The following CSMD1 variants were observed in gnomAD, a reference collection of about 807,000 sequenced individuals.
CSMD1 encodes the protein CUB and sushi domain-containing protein 1.
CSMD1 carries 213 observed loss-of-function variants against 417.5 expected under a neutral mutation model. That is an observed-to-expected ratio of 0.51 (90% confidence interval 0.46 to 0.57). The LOEUF (loss-of-function observed/expected upper bound fraction) is 0.57. Ranked by LOEUF, CSMD1 falls within the 20% of genes least tolerant of loss-of-function variation. CSMD1 has a pLI of 0.00. For missense variants in CSMD1, 6,923 were observed against 4,529.7 expected (o/e 1.53, Z -15.17); for synonymous variants, 2,862 against 1,736.8 (o/e 1.65, Z -16.11).
intron 3 of CSMD1, among the ~76,000 whole-genome samples, chr8:4,165,779 T>A (rs1489330662): frequency 6.6e-6 from 1 of 152,210 alleles, no homozygotes; most frequent in Non-Finnish European, 1.5e-5. Context: ...AGGTGTTAGC[T>A]CACGTGTTGT....
chr8:4,748,955 C>G lies in CSMD1; in HGVS notation c.86-111397G>C, dbSNP rs527745258. ...GTAATTCTGCTTCCTTAACTCACTA[C>G]AATTCTTCTAATAAGTTCTAAGCTA... is the stretch of plus-strand genomic sequence containing the variant. On this transcript the variant is annotated intron_variant, in intron 1 of 69. Coordinates refer to ENST00000635120, the MANE Select transcript of CSMD1 (RefSeq NM_033225.6). 5.9e-5 allele frequency among the ~76,000 whole-genome samples: 9 copies of G among 152,354 alleles called. No individual in the cohort carries two copies. The South Asian group carries it at 1.7e-3, about 28-fold the overall frequency.
rs1470114191 is a variant in CSMD1, at chr8:4,420,016, G to C, written c.352C>G (p.Leu118Val). 1.9e-6 allele frequency: 3 copies of C among 1,586,464 alleles called. No homozygotes were observed. Among genetic ancestry groups the C allele is most frequent in the Admixed American group, 1.8e-5 (1 of 56,450 alleles). The change falls in exon 3 of 70, where the codon CTC becomes GTC. Residue 118 changes from leucine to valine, a missense_variant. Physicochemically the swap from Leu to Val is conservative, Grantham distance 32. Coordinates refer to ENST00000635120, the MANE Select transcript of CSMD1 (RefSeq NM_033225.6). ...PSSIVSTGSI[L>V]TLWFTTDFAV... is the part of the protein sequence containing the mutation. ...AAGTCTGTCGTGAACCACAGAGTGAGGATAGATCCTGTACTCACTATAGAG... is the reference window on the plus strand; with the variant it reads ...AAGTCTGTCGTGAACCACAGAGTGACGATAGATCCTGTACTCACTATAGAG...
In CSMD1 at chr8:4,034,243, C is replaced by G. The variant is rs1172421239; in HGVS notation, c.416-2144G>C. 2.0e-5 allele frequency among the ~76,000 whole-genome samples: 3 copies of G among 152,038 alleles called. No individual in the cohort carries two copies. The East Asian group carries it at 5.8e-4, about 29-fold the overall frequency. On this transcript the variant is annotated intron_variant, in intron 3 of 69. Coordinates refer to ENST00000635120, the MANE Select transcript of CSMD1 (RefSeq NM_033225.6). ...TGATATTACTTAAGTACAAACAGAA[C>G]TATATAGAAATATTTAGGAAATAAA...
At chr8:4,793,677 G>C (rs1324552222) in intron 1 of CSMD1, among the ~76,000 whole-genome samples, 1 of 152,050 alleles carries the variant, frequency 6.6e-6, no homozygotes, top group Non-Finnish European at 1.5e-5. Flanking sequence ...CTGCTCAGGA[G>C]AAGAAAGTGT....
At chr8:4,033,755 G>A (rs1343699170) in intron 3 of CSMD1, among the ~76,000 whole-genome samples, 1 of 152,116 alleles carries the variant, frequency 6.6e-6, no homozygotes, top group Non-Finnish European at 1.5e-5. Flanking sequence ...TATTGATTCT[G>A]TTCTTTTTGG....
chr8:3,652,150 T>C (rs1797889752), intron 7 of CSMD1, among the ~76,000 whole-genome samples: 1 of 147,040 alleles, frequency 6.8e-6, no homozygotes, highest in African/African-American at 2.6e-5. Flanking sequence ...TCAGAGCGCT[T>C]ACCACCATCA....
At chr8:3,630,317 A>G (rs1796715665) in intron 7 of CSMD1, among the ~76,000 whole-genome samples, 1 of 152,198 alleles carries the variant, frequency 6.6e-6, no homozygotes, top group Non-Finnish European at 1.5e-5. Flanking sequence ...GAATTACCTA[A>G]GGTAAGAGTG....
At chr8:3,026,643 C>G (rs987092481) in intron 51 of CSMD1, among the ~76,000 whole-genome samples, 1 of 152,176 alleles carries the variant, frequency 6.6e-6, no homozygotes, top group Non-Finnish European at 1.5e-5. Flanking sequence ...CTGTCAACAC[C>G]GTGAACTCTG....
At chr8:4,003,470 A>T (rs1214542351) in intron 4 of CSMD1, among the ~76,000 whole-genome samples, 3 of 152,124 alleles carry the variant, frequency 2.0e-5, no homozygotes, top group South Asian at 2.1e-4. Flanking sequence ...ACAAACAGAT[A>T]CATGGGAAAA....
At chr8:3,029,204 G>T in intron 51 of CSMD1, 115 bp downstream of exon 51, 2 of 721,554 alleles carry the variant, frequency 2.8e-6, no homozygotes, top group Non-Finnish European at 4.2e-6. Flanking sequence ...TTGTTCTTTT[G>T]ATCTATAGGA....
chr8:4,175,435 A>T (rs998312461), intron 3 of CSMD1, among the ~76,000 whole-genome samples: 23 of 151,398 alleles, frequency 1.5e-4, no homozygotes, highest in African/African-American at 4.4e-4. Context: ...ATGTTTAAGT[A>T]ATTGACATCT....
At position 4,933,110 on chromosome 8, in the gene CSMD1, C is replaced by A. The variant is rs151061902; in HGVS notation, c.85+61222G>T. Reference sequence around the variant, plus strand: ...TTGAAGTAATTAATCACCTTACATACTTGTATGGATATGTTCTCTATCTGG... The same window carrying A: ...TTGAAGTAATTAATCACCTTACATAATTGTATGGATATGTTCTCTATCTGG... On this transcript the variant is annotated intron_variant, in intron 1 of 69. Transcript: ENST00000635120. Among the ~76,000 whole-genome samples, 261 of 152,244 alleles carry A rather than the reference C, an allele frequency of 1.7e-3. 1 individual carries two copies. The highest frequency in any genetic ancestry group is 5.9e-3 in the African/African-American group (246 of 41,552).
At chr8:3,990,227 T>C (rs1225414677) in intron 5 of CSMD1, among the ~76,000 whole-genome samples, 3 of 152,236 alleles carry the variant, frequency 2.0e-5, no homozygotes, top group Non-Finnish European at 2.9e-5. Context: ...TCATAGTTGA[T>C]GAAATACATT....
intron 3 of CSMD1, among the ~76,000 whole-genome samples, chr8:4,170,109 T>G (rs1162597161): frequency 1.3e-5 from 2 of 151,842 alleles, no homozygotes; most frequent in Admixed American, 6.5e-5. Flanking sequence ...ATCCCTAACC[T>G]GTTTTCTCCC....
At chr8:4,252,925 T>C (rs367966073) in intron 3 of CSMD1, among the ~76,000 whole-genome samples, 15 of 152,312 alleles carry the variant, frequency 9.8e-5, no homozygotes, top group South Asian at 2.1e-4. Flanking sequence ...GCTGGACCCA[T>C]GGCAGCAGAA....
intron 5 of CSMD1, among the ~76,000 whole-genome samples, chr8:3,817,843 A>T (rs17067634): frequency 0.32 from 48,183 of 151,928 alleles, 8,264 homozygotes; most frequent in East Asian, 0.59. Context: ...CAGCTTTCCC[A>T]GAGTCCAGAG....
intron 5 of CSMD1, among the ~76,000 whole-genome samples, chr8:3,949,068 T>C (rs1016903697): frequency 2.0e-5 from 3 of 152,188 alleles, no homozygotes; most frequent in Non-Finnish European, 4.4e-5. Flanking sequence ...TTAAAAGCTA[T>C]TTTTAATTAA....
At chr8:3,949,747 G>A (rs1223096863) in intron 5 of CSMD1, among the ~76,000 whole-genome samples, 4 of 152,138 alleles carry the variant, frequency 2.6e-5, no homozygotes, top group East Asian at 1.9e-4. Context: ...GATCCCACCA[G>A]GATCTCCAAG....
At position 4,836,687 on chromosome 8, in the gene CSMD1, G is replaced by A. The variant is rs55759319; in HGVS notation, c.85+157645C>T. Among the ~76,000 whole-genome samples, 26 of 152,070 alleles carry A rather than the reference G, an allele frequency of 1.7e-4. No individual in the cohort carries two copies. In the East Asian group the frequency reaches 3.1e-3, roughly 18 times the overall value. On this transcript the variant is annotated intron_variant, in intron 1 of 69. Coordinates refer to ENST00000635120, the MANE Select transcript of CSMD1 (RefSeq NM_033225.6). ...GAAATTTTAGTTTTTTATTCATCTC[G>A]TCGCTTCCACCTTTCTATCATGGAG...
Sources: allele counts gnomAD v4.1 joint callset (sites outside exome capture counted in the v4.1 genomes callset), GRCh38; gene constraint gnomAD v4.1.1; transcripts MANE v1.5; gene names NCBI Gene and HGNC (gene_info 2026-07-23, HGNC 2026-07-21).